SLC39A11: variants seen among roughly 807,000 people sequenced by gnomAD.
SLC39A11 encodes zinc transporter ZIP11.
A neutral mutation model predicts 36.1 loss-of-function variants in SLC39A11; 33 were observed. The ratio of observed to expected loss-of-function variants is 0.91; its 90% CI spans 0.69 to 1.22. The LOEUF is 1.22. SLC39A11 is among the 50% of genes most tolerant of loss of function. The pLI, the probability that SLC39A11 is intolerant of heterozygous loss-of-function variation, is 0.00. For synonymous variants in SLC39A11, 166 were observed against 170.3 expected, an observed-to-expected ratio of 0.97 and a Z score of 0.20; for missense variants, 432 against 430.3, an observed-to-expected ratio of 1.00 and a Z score of -0.03.
intron 6 of SLC39A11, among the ~76,000 whole-genome samples, chr17:72,742,056 T>A (rs2567472): frequency 0.37 from 55,686 of 151,836 alleles, 14,063 homozygotes; most frequent in African/African-American, 0.72. Flanking sequence ...ACAAAAAATT[T>A]GCTGGGCATG....
intron 3 of SLC39A11, among the ~76,000 whole-genome samples, chr17:73,038,261 A>C (rs931908459): frequency 1.1e-4 from 17 of 151,748 alleles, no homozygotes; most frequent in African/African-American, 4.1e-4. Context: ...CAACTCTTGC[A>C]AAAGGGCTAA....
chr17:72,978,867 G>T (rs1416709016), intron 4 of SLC39A11, among the ~76,000 whole-genome samples: 2 of 152,172 alleles, frequency 1.3e-5, no homozygotes, highest in Non-Finnish European at 2.9e-5. Context: ...CTCTGGTAAG[G>T]CCCTGCCTTC....
intron 5 of SLC39A11, among the ~76,000 whole-genome samples, chr17:72,864,371 C>T: frequency 6.6e-6 from 1 of 151,034 alleles, no homozygotes; most frequent in East Asian, 1.9e-4. Flanking sequence ...GCCAGATCCA[C>T]CCTGTGAGAA....
At chr17:72,915,041 T>C (rs990179263) in intron 5 of SLC39A11, among the ~76,000 whole-genome samples, 1 of 152,172 alleles carries the variant, frequency 6.6e-6, no homozygotes, top group Non-Finnish European at 1.5e-5. Flanking sequence ...TATTCATGGA[T>C]GTTCGCTGTC....
intron 7 of SLC39A11, among the ~76,000 whole-genome samples, chr17:72,668,366 C>G (rs922760721): frequency 2.6e-5 from 4 of 151,910 alleles, no homozygotes; most frequent in Non-Finnish European, 4.4e-5. Context: ...TGACGGATGC[C>G]CCAGGAAATA....
chr17:72,945,171 C>G (rs1054783911), intron 5 of SLC39A11, among the ~76,000 whole-genome samples: 4 of 152,146 alleles, frequency 2.6e-5, no homozygotes, highest in Admixed American at 2.6e-4. Flanking sequence ...TAGCTGATAT[C>G]AGAAAACATT....
chr17:72,725,517 A>C (rs1413693409), intron 7 of SLC39A11: 1 of 152,244 alleles, frequency 6.6e-6, no homozygotes, highest in Non-Finnish European at 1.5e-5. Flanking sequence ...TGTAACTTAC[A>C]TATATGGTCC....
intron 5 of SLC39A11, among the ~76,000 whole-genome samples, chr17:72,876,749 C>A (rs1403265936): frequency 6.6e-6 from 1 of 152,200 alleles, no homozygotes; most frequent in East Asian, 1.9e-4. Flanking sequence ...GCTATATAAA[C>A]CCCCTAATTT....
intron 6 of SLC39A11, among the ~76,000 whole-genome samples, chr17:72,776,186 C>G (rs1338772506): frequency 1.3e-5 from 2 of 152,212 alleles, no homozygotes; most frequent in Admixed American, 6.5e-5. Flanking sequence ...CCACTCCAGA[C>G]AGATGTTTAG....
Position 72,849,668 on chromosome 17 carries a change from C to A in SLC39A11, c.567G>T (p.Leu189=), listed in dbSNP as rs751853412. Residue 189 remains leucine (L), a synonymous_variant, in exon 6 of 10, where the codon CTG becomes CTT. Coordinates refer to ENST00000255559, the MANE Select transcript of SLC39A11 (RefSeq NM_139177.4). ...PGGSSWRRIA[L]LILAITIHNV... ...TGTGTATAGTGATGGCCAAGATGAG[C>A]AGTGCGATCCTCCTCCAGCTGCTGC... 2 of 1,596,664 alleles carry A rather than the reference C, an allele frequency of 1.3e-6. No homozygotes were observed. The highest frequency in any genetic ancestry group is 1.1e-5 in the South Asian group (1 of 88,072).
At chr17:72,750,343 G>A (rs370015492) in intron 6 of SLC39A11, among the ~76,000 whole-genome samples, 1 of 151,724 alleles carries the variant, frequency 6.6e-6, no homozygotes. Context: ...CATCGCCTGT[G>A]ATTGGAGCCT....
intron 4 of SLC39A11, among the ~76,000 whole-genome samples, chr17:73,008,122 A>AGAAAAAGAAAAG (rs1180974243): frequency 2.0e-5 from 3 of 150,132 alleles, no homozygotes; most frequent in Non-Finnish European, 4.4e-5. Flanking sequence ...AAAAAGAAAA[A>AGAAAAAGAAAAG]GAAAAAGAAA....
At chr17:72,937,532 T>A (rs2084848122) in intron 5 of SLC39A11, among the ~76,000 whole-genome samples, 1 of 152,076 alleles carries the variant, frequency 6.6e-6, no homozygotes, top group African/African-American at 2.4e-5. Flanking sequence ...TGTAAGGCAG[T>A]AAAGGCATGA....
chr17:72,666,670 C>T (rs1356627902), intron 7 of SLC39A11, among the ~76,000 whole-genome samples: 2 of 152,210 alleles, frequency 1.3e-5, no homozygotes, highest in African/African-American at 2.4e-5. Context: ...CCACCTGCTC[C>T]TCCTCTTCCT....
intron 7 of SLC39A11, among the ~76,000 whole-genome samples, chr17:72,659,251 C>T (rs928778049): frequency 2.6e-5 from 4 of 152,146 alleles, no homozygotes; most frequent in African/African-American, 4.8e-5. Flanking sequence ...CAGCACGGGA[C>T]TTGCTAAAGG....
chr17:72,729,182 A>G lies in SLC39A11; in HGVS notation c.671+7468T>C, dbSNP rs757839201. On this transcript the variant is annotated intron_variant, in intron 7 of 9. Coordinates refer to ENST00000255559, the MANE Select transcript of SLC39A11 (RefSeq NM_139177.4). ...GCATCGGAACCCACCATAGTTGCCA[A>G]CTTTTTGCTGAGTAATGCACCTGTT... 4.6e-5 allele frequency among the ~76,000 whole-genome samples: 7 copies of G among 151,640 alleles called. No homozygotes were observed. In the East Asian group the frequency reaches 7.8e-4, roughly 17 times the overall value.
At chr17:72,837,270 CA>C (rs1335738216) in intron 6 of SLC39A11, among the ~76,000 whole-genome samples, 1 of 139,752 alleles carries the variant, frequency 7.2e-6, no homozygotes, top group Non-Finnish European at 1.5e-5. Context: ...AAGCAGGGCT[CA>C]AAAAACAACT....
At chr17:72,791,000 C>T (rs544731303) in intron 6 of SLC39A11, among the ~76,000 whole-genome samples, 17 of 152,224 alleles carry the variant, frequency 1.1e-4, no homozygotes, top group Non-Finnish European at 1.6e-4. Flanking sequence ...GATATTTACA[C>T]GAATCCAGTG....
At chr17:73,017,265 G>A (rs1329512025) in intron 4 of SLC39A11, among the ~76,000 whole-genome samples, 1 of 152,162 alleles carries the variant, frequency 6.6e-6, no homozygotes, top group Non-Finnish European at 1.5e-5. Context: ...ACTATTTTCA[G>A]GGACTAGACA....
Sources: gnomAD v4.1 joint callset for allele counts (sites outside exome capture counted in the v4.1 genomes callset) on GRCh38, gnomAD v4.1.1 for gene constraint, MANE v1.5 for transcripts, NCBI Gene and HGNC (gene_info 2026-07-23, HGNC 2026-07-21) for gene names.